The following CNTNAP5 variants were observed in gnomAD, a reference collection of about 807,000 sequenced individuals.
The protein encoded by CNTNAP5 is contactin associated protein family member 5.
A neutral mutation model predicts 150.2 loss-of-function variants in CNTNAP5; 72 were observed. The observed-to-expected ratio is 0.48, with a 90% confidence interval of 0.40 to 0.58. The LOEUF is 0.58. Among genes scored for constraint, CNTNAP5 ranks in the 20% least tolerant of loss-of-function variants. The probability of loss-of-function intolerance (pLI) is 0.00; values close to 1 mark genes in which losing one functional copy is unlikely to be tolerated. For missense variants in CNTNAP5, 1,636 were observed against 1,626.2 expected (o/e 1.01, Z -0.10); for synonymous variants, 672 against 619.8 (o/e 1.08, Z -1.25).
intron 13 of CNTNAP5, among the ~76,000 whole-genome samples, chr2:124,664,448 A>T (rs936862672): frequency 6.6e-6 from 1 of 152,146 alleles, no homozygotes; most frequent in Admixed American, 6.5e-5. Context: ...TTCATTTCTC[A>T]AGTAGGCCAG....
At chr2:124,622,760 T>C (rs1003542577) in intron 12 of CNTNAP5, among the ~76,000 whole-genome samples, 2 of 152,136 alleles carry the variant, frequency 1.3e-5, no homozygotes, top group African/African-American at 2.4e-5. Flanking sequence ...TCAACTTCCA[T>C]TGCCCTACTT....
chr2:124,178,434 C>T (rs1231407080), intron 1 of CNTNAP5, among the ~76,000 whole-genome samples: 1 of 152,222 alleles, frequency 6.6e-6, no homozygotes, highest in Non-Finnish European at 1.5e-5. Context: ...TCTAGGACTA[C>T]AAGCTAGGCT....
intron 13 of CNTNAP5, among the ~76,000 whole-genome samples, chr2:124,727,448 A>AGTT (rs1352347901): frequency 6.6e-6 from 1 of 151,980 alleles, no homozygotes; most frequent in Non-Finnish European, 1.5e-5. Flanking sequence ...TGAATCCATG[A>AGTT]AATGGCCTAT....
chr2:124,894,400 A>G (rs1678261754), intron 21 of CNTNAP5, among the ~76,000 whole-genome samples: 1 of 151,532 alleles, frequency 6.6e-6, no homozygotes, highest in Non-Finnish European at 1.5e-5. Context: ...TAAACAACAT[A>G]GCTGTAAACC....
intron 11 of CNTNAP5, among the ~76,000 whole-genome samples, chr2:124,606,815 C>A (rs2104980428): frequency 6.6e-6 from 1 of 152,214 alleles, no homozygotes; most frequent in Non-Finnish European, 1.5e-5. Flanking sequence ...AGGAAAGACC[C>A]GCCCCCTAAT....
At chr2:124,150,248 G>A (rs745858734) in intron 1 of CNTNAP5, among the ~76,000 whole-genome samples, 2 of 150,316 alleles carry the variant, frequency 1.3e-5, no homozygotes, top group Admixed American at 6.6e-5. Context: ...AGTGTGTTAA[G>A]TAACTGAGAA....
At chr2:124,495,533 G>A (rs57829057) in intron 7 of CNTNAP5, among the ~76,000 whole-genome samples, 19,458 of 152,160 alleles carry the variant, frequency 0.13, 2,051 homozygotes, top group African/African-American at 0.27. Context: ...CAGAGGAGAG[G>A]TCATGCAGGG....
intron 1 of CNTNAP5, among the ~76,000 whole-genome samples, chr2:124,148,503 G>GTATA (rs558789770): frequency 3.6e-5 from 5 of 139,434 alleles, no homozygotes; most frequent in African/African-American, 7.9e-5. Flanking sequence ...GGAGAGAGAG[G>GTATA]TATATATATA....
intron 8 of CNTNAP5, among the ~76,000 whole-genome samples, chr2:124,506,253 T>C (rs1694404930): frequency 6.6e-6 from 1 of 151,392 alleles, no homozygotes; most frequent in Non-Finnish European, 1.5e-5. Flanking sequence ...ATTAAAATCA[T>C]ACCAGCTAAA....
chr2:124,578,140 G>A (rs559385765), intron 11 of CNTNAP5, among the ~76,000 whole-genome samples: 53 of 122,114 alleles, frequency 4.3e-4, no homozygotes, highest in Non-Finnish European at 6.7e-4. Flanking sequence ...TGAAACCTCC[G>A]TCTCCACTAA....
chr2:124,716,338 A>G (rs1383666620), intron 13 of CNTNAP5, among the ~76,000 whole-genome samples: 1 of 152,096 alleles, frequency 6.6e-6, no homozygotes, highest in Non-Finnish European at 1.5e-5. Flanking sequence ...TGCCATCAAC[A>G]TATATCGTTA....
chr2:124,892,906 A>G (rs1232963230), intron 21 of CNTNAP5, among the ~76,000 whole-genome samples: 1 of 152,148 alleles, frequency 6.6e-6, no homozygotes, highest in Non-Finnish European at 1.5e-5. Context: ...AGAAGAGCAC[A>G]GTAAGCGATC....
chr2:124,486,977 A>C (rs1245978422), intron 7 of CNTNAP5, among the ~76,000 whole-genome samples: 1 of 152,198 alleles, frequency 6.6e-6, no homozygotes, highest in Non-Finnish European at 1.5e-5. Flanking sequence ...TTTAACCTAA[A>C]AATTGTTTTA....
At chr2:124,211,158 C>T (rs1011564415) in intron 1 of CNTNAP5, among the ~76,000 whole-genome samples, 6 of 152,038 alleles carry the variant, frequency 3.9e-5, no homozygotes, top group African/African-American at 1.4e-4. Flanking sequence ...ATATTCTGAA[C>T]AGATGATAAA....
intron 10 of CNTNAP5, among the ~76,000 whole-genome samples, chr2:124,553,503 CAA>C (rs34211914): frequency 6.9e-4 from 83 of 119,508 alleles, no homozygotes; most frequent in Middle Eastern, 5.3e-3. Flanking sequence ...GACTCTGTCT[CAA>C]AAAAAAAAAA....
chr2:124,496,988 C>G (rs952537824), intron 7 of CNTNAP5, among the ~76,000 whole-genome samples: 1 of 152,156 alleles, frequency 6.6e-6, no homozygotes, highest in South Asian at 2.1e-4. Context: ...TTTTATTCTT[C>G]CCAGGTGACT....
At chr2:124,854,317 T>A (rs570832116) in intron 19 of CNTNAP5, among the ~76,000 whole-genome samples, 26 of 152,342 alleles carry the variant, frequency 1.7e-4, no homozygotes, top group African/African-American at 5.5e-4. Context: ...ATACTTTATA[T>A]ACATCTGCAC....
intron 14 of CNTNAP5, among the ~76,000 whole-genome samples, chr2:124,753,045 T>G (rs2105152205): frequency 6.6e-6 from 1 of 152,316 alleles, no homozygotes; most frequent in South Asian, 2.1e-4. Flanking sequence ...ATTCTTTTAT[T>G]TATTTTAGAA....
intron 3 of CNTNAP5, among the ~76,000 whole-genome samples, chr2:124,391,731 G>A (rs191647441): frequency 3.3e-5 from 5 of 152,186 alleles, no homozygotes; most frequent in Non-Finnish European, 5.9e-5. Flanking sequence ...CGAGGCGGGC[G>A]GATCACGAGG....
Sources: allele counts gnomAD v4.1 joint callset (sites outside exome capture counted in the v4.1 genomes callset), GRCh38; gene constraint gnomAD v4.1.1; transcripts MANE v1.5; gene names NCBI Gene and HGNC (gene_info 2026-07-23, HGNC 2026-07-21).